The following ASAP1 variants were observed in gnomAD, a reference collection of about 807,000 sequenced individuals.
The protein encoded by ASAP1 is arf-GAP with SH3 domain, ANK repeat and PH domain-containing protein 1.
Under a neutral mutation model 145.2 loss-of-function variants are expected in ASAP1, and 43 were observed. The ratio of observed to expected loss-of-function variants is 0.30; its 90% CI spans 0.23 to 0.38. ASAP1 has a LOEUF of 0.38. Among genes scored for constraint, ASAP1 ranks in the 10% least tolerant of loss-of-function variants. The pLI is 1.00. For missense variants in ASAP1, 1,018 were observed against 1,355.3 expected (o/e 0.75, Z 3.91); for synonymous variants, 546 against 515.5 (o/e 1.06, Z -0.80).
chr8:130,079,764 G>T, intron 26 of ASAP1, 138 bp downstream of exon 26: 1 of 807,430 alleles, frequency 1.2e-6, no homozygotes, highest in Non-Finnish European at 2.1e-6. Flanking sequence ...TGAACGTCTG[G>T]TTTCTTGTTG....
intron 29 of ASAP1, 117 bp from the exon 30 acceptor site, chr8:130,054,922 C>T: frequency 1.3e-6 from 1 of 775,620 alleles, no homozygotes; most frequent in Admixed American, 1.9e-5. Context: ...GAATCCCAGG[C>T]TTACCCTTCT....
intron 3 of ASAP1, among the ~76,000 whole-genome samples, chr8:130,300,499 A>C (rs185947272): frequency 3.2e-3 from 480 of 152,274 alleles, no homozygotes; most frequent in African/African-American, 0.011. Context: ...GGCAGCTTTA[A>C]AACACTGCTG....
chr8:130,329,714 C>A (rs981597276), intron 3 of ASAP1, among the ~76,000 whole-genome samples: 8 of 152,156 alleles, frequency 5.3e-5, no homozygotes, highest in Non-Finnish European at 1.0e-4. Flanking sequence ...GAAATAGGGA[C>A]TAAACAGAAA....
chr8:130,369,376 A>G (rs1335789452), intron 2 of ASAP1, among the ~76,000 whole-genome samples: 2 of 152,250 alleles, frequency 1.3e-5, no homozygotes, highest in Non-Finnish European at 2.9e-5. Flanking sequence ...ATGAAATATC[A>G]GAAAGCAAAA....
At chr8:130,079,359 A>T (rs916070687) in intron 26 of ASAP1, among the ~76,000 whole-genome samples, 1 of 152,066 alleles carries the variant, frequency 6.6e-6, no homozygotes, top group African/African-American at 2.4e-5. Flanking sequence ...CCCGTAAGAG[A>T]TCTCCTCAAG....
At chr8:130,270,058 T>C (rs1820497733) in intron 3 of ASAP1, among the ~76,000 whole-genome samples, 1 of 152,194 alleles carries the variant, frequency 6.6e-6, no homozygotes, top group Non-Finnish European at 1.5e-5. Flanking sequence ...TAATCCCAGC[T>C]ATTCTGGAGG....
chr8:130,436,420 C>T (rs755987579), intron 1 of ASAP1, among the ~76,000 whole-genome samples: 3 of 152,148 alleles, frequency 2.0e-5, no homozygotes, highest in African/African-American at 7.2e-5. Flanking sequence ...GTCAGCCTCC[C>T]GAGTAGCTGG....
chr8:130,222,588 T>C (rs1442607174), intron 4 of ASAP1, among the ~76,000 whole-genome samples: 1 of 152,172 alleles, frequency 6.6e-6, no homozygotes, highest in African/African-American at 2.4e-5. Flanking sequence ...ACAATATCTA[T>C]TCAGAATCCA....
At chr8:130,164,880 T>A (rs1204295675) in intron 11 of ASAP1, among the ~76,000 whole-genome samples, 1 of 152,230 alleles carries the variant, frequency 6.6e-6, no homozygotes, top group Non-Finnish European at 1.5e-5. Flanking sequence ...TTAAGATTAC[T>A]TGACATTCTT....
chr8:130,378,817 C>T (rs987698645), intron 2 of ASAP1, among the ~76,000 whole-genome samples: 1 of 152,198 alleles, frequency 6.6e-6, no homozygotes, highest in African/African-American at 2.4e-5. Context: ...TCTGTCACCT[C>T]CCTACTTCCT....
intron 2 of ASAP1, among the ~76,000 whole-genome samples, chr8:130,393,790 C>T (rs1828395572): frequency 1.3e-5 from 2 of 152,174 alleles, no homozygotes; most frequent in South Asian, 4.1e-4. Flanking sequence ...GAGGGACCAG[C>T]TGAAGCCGTG....
chr8:130,278,220 T>C (rs548884222), intron 3 of ASAP1, among the ~76,000 whole-genome samples: 2 of 152,320 alleles, frequency 1.3e-5, no homozygotes, highest in African/African-American at 4.8e-5. Flanking sequence ...TACACACGCT[T>C]TTCATTGTAG....
At chr8:130,219,023 T>A (rs910344794) in intron 4 of ASAP1, among the ~76,000 whole-genome samples, 9 of 152,020 alleles carry the variant, frequency 5.9e-5, no homozygotes, top group Non-Finnish European at 1.5e-5. Context: ...ATAATCATAA[T>A]CCTATGAAAA....
chr8:130,280,627 A>G (rs1821193483), intron 3 of ASAP1, among the ~76,000 whole-genome samples: 1 of 152,240 alleles, frequency 6.6e-6, no homozygotes, highest in Non-Finnish European at 1.5e-5. Context: ...GGCAATAGAA[A>G]AGAGGGAGAG....
chr8:130,297,263 A>T (rs1201550596), intron 3 of ASAP1, among the ~76,000 whole-genome samples: 1 of 152,132 alleles, frequency 6.6e-6, no homozygotes, highest in Non-Finnish European at 1.5e-5. Flanking sequence ...CATGCATCAA[A>T]ATCTGTGTAT....
At chr8:130,235,826 A>G (rs1056194746) in intron 4 of ASAP1, among the ~76,000 whole-genome samples, 3 of 152,162 alleles carry the variant, frequency 2.0e-5, no homozygotes, top group Non-Finnish European at 2.9e-5. Context: ...GGAAGGCCAT[A>G]AAGTACCTGA....
At chr8:130,181,787 G>A (rs1019066329) in intron 7 of ASAP1, among the ~76,000 whole-genome samples, 4 of 152,196 alleles carry the variant, frequency 2.6e-5, no homozygotes, top group Non-Finnish European at 5.9e-5. Flanking sequence ...AAAGATTATA[G>A]CCTGCTTTCC....
chr8:130,273,950 G>C (rs564976905), intron 3 of ASAP1, among the ~76,000 whole-genome samples: 57 of 152,208 alleles, frequency 3.7e-4, no homozygotes, highest in Non-Finnish European at 6.9e-4. Flanking sequence ...AGGATGAAGG[G>C]GGGCGGAGGA....
intron 1 of ASAP1, among the ~76,000 whole-genome samples, chr8:130,431,272 G>C (rs574294378): frequency 2.4e-3 from 364 of 152,146 alleles, no homozygotes; most frequent in Non-Finnish European, 3.8e-3. Flanking sequence ...GTCCAATGTA[G>C]CCAGAGTCAC....
Sources: gnomAD v4.1 joint callset for allele counts (sites outside exome capture counted in the v4.1 genomes callset) on GRCh38, gnomAD v4.1.1 for gene constraint, MANE v1.5 for transcripts, NCBI Gene and HGNC (gene_info 2026-07-23, HGNC 2026-07-21) for gene names.